The following AVEN variants were observed in gnomAD, a reference collection of about 807,000 sequenced individuals.
AVEN encodes the protein cell death regulator Aven.
A neutral mutation model predicts 38.1 loss-of-function variants in AVEN; 41 were observed. The ratio of observed to expected loss-of-function variants is 1.08; its 90% CI spans 0.84 to 1.40. The LOEUF is 1.40. Ranked by LOEUF, AVEN falls within the 40% of genes most tolerant of loss-of-function variation. AVEN has a pLI of 0.00. For synonymous variants in AVEN, 206 were observed against 171.8 expected (o/e 1.20, Z -1.56); for missense variants, 605 against 438.8 (o/e 1.38, Z -3.38).
chr15:34,012,363 G>C (rs1288998340), intron 1 of AVEN, among the ~76,000 whole-genome samples: 2 of 152,170 alleles, frequency 1.3e-5, no homozygotes, highest in Non-Finnish European at 2.9e-5. Context: ...AAGGTCATCT[G>C]TATAAAAAAT....
chr15:33,857,663 C>A, downstream of AVEN: 1 of 1,304,060 alleles, frequency 7.7e-7, no homozygotes, highest in Non-Finnish European at 1.1e-6. Context: ...ACCCCTTCCC[C>A]ATTTCCTCTC....
At chr15:34,035,743 T>C (rs977833074) in intron 1 of AVEN, among the ~76,000 whole-genome samples, 2 of 152,174 alleles carry the variant, frequency 1.3e-5, no homozygotes, top group African/African-American at 4.8e-5. Flanking sequence ...AGATAAATAC[T>C]AAACAATCCT....
intron 1 of AVEN, among the ~76,000 whole-genome samples, chr15:34,009,697 T>C (rs1897553910): frequency 1.3e-5 from 2 of 152,152 alleles, no homozygotes; most frequent in South Asian, 4.2e-4. Flanking sequence ...CAAAAAGATA[T>C]AACAATAGGG....
Position 33,967,081 on chromosome 15 carries a change from A to G in AVEN, c.445+35951T>C, listed in dbSNP as rs1014463871. On this transcript the variant is annotated intron_variant, in intron 2 of 5. Transcript: ENST00000306730. ...CCAATCATTACCATATGAAATTACA[A>G]TCCTTTTCAGTATCATGCAATGTTA... 5.3e-5 allele frequency among the ~76,000 whole-genome samples: 8 copies of G among 152,252 alleles called. No homozygotes were observed. The Middle Eastern group carries it at 0.01, about 194-fold the overall frequency.
At chr15:33,854,993 G>A, downstream of AVEN, 1 of 1,329,772 alleles carries the variant, frequency 7.5e-7, no homozygotes, top group Non-Finnish European at 1.0e-6. Context: ...TACAGTATAT[G>A]ACAGGAAGGA....
intron 2 of AVEN, among the ~76,000 whole-genome samples, chr15:33,998,997 C>A (rs965230925): frequency 2.0e-5 from 3 of 152,216 alleles, no homozygotes; most frequent in African/African-American, 4.8e-5. Context: ...CTCTATCCAG[C>A]AGCCTGCTCC....
chr15:34,063,489 C>T lies in AVEN; in HGVS notation n.1127-57G>A, dbSNP rs1190681112. On this transcript the variant is annotated intron_variant and non_coding_transcript_variant, in intron 4 of 11. Coordinates refer to the AVEN transcript ENST00000675287. The surrounding 1 kb of genome is among the most constrained non-coding windows in gnomAD (Gnocchi z 4.1). ...GTTCAGATCCTGCTTGCGCTGTCCT[C>T]GACCCACCCTGGCCCAGCGGGAAAG... 2 of 1,613,838 alleles carry T rather than the reference C, an allele frequency of 1.2e-6. No homozygotes were observed. Among genetic ancestry groups the T allele is most frequent in the Non-Finnish European group, 8.5e-7 (1 of 1,180,044 alleles).
intron 5 of AVEN, chr15:34,046,848 C>T (rs539010882): frequency 6.6e-6 from 1 of 152,380 alleles, no homozygotes; most frequent in East Asian, 1.9e-4. Flanking sequence ...CCAAAGGAAC[C>T]CCCACCTCCA....
intron 5 of AVEN, among the ~76,000 whole-genome samples, chr15:34,057,782 C>A (rs565623126): frequency 6.6e-6 from 1 of 152,254 alleles, no homozygotes; most frequent in African/African-American, 2.4e-5. Flanking sequence ...AGTGATAGAG[C>A]AAGACCTTGT....
At chr15:33,907,128 GACC>G (rs1170796765) in intron 2 of AVEN, among the ~76,000 whole-genome samples, 5 of 152,018 alleles carry the variant, frequency 3.3e-5, no homozygotes, top group Admixed American at 1.3e-4. Context: ...CTAGCATCTG[GACC>G]ACATCTTGTC....
At chr15:33,943,857 C>T (rs909758951) in intron 2 of AVEN, among the ~76,000 whole-genome samples, 2 of 148,470 alleles carry the variant, frequency 1.3e-5, no homozygotes, top group Non-Finnish European at 3.0e-5. Flanking sequence ...AAAGTTGTTA[C>T]CATGGTAAAT....
chr15:33,894,592 C>T (rs1305714548), intron 2 of AVEN, among the ~76,000 whole-genome samples: 1 of 145,530 alleles, frequency 6.9e-6, no homozygotes, highest in Non-Finnish European at 1.5e-5. Flanking sequence ...GGGGGACTGC[C>T]TGAGCTCAGG....
In AVEN at chr15:33,939,325, A is replaced by C. The variant is rs180813994; in HGVS notation, c.446-63330T>G. On this transcript the variant is annotated intron_variant, in intron 2 of 5. Coordinates refer to ENST00000306730, the MANE Select transcript of AVEN (RefSeq NM_020371.3). ...TTAATTACAATTCATAAACTGCCAG[A>C]GTATCAAATGGAACCATTTTAGGAG... 1.4e-4 allele frequency among the ~76,000 whole-genome samples: 22 copies of C among 152,356 alleles called. No homozygotes were observed. The East Asian group carries it at 2.9e-3, about 20-fold the overall frequency.
chr15:34,002,409 T>C (rs940013641), intron 2 of AVEN, among the ~76,000 whole-genome samples: 5 of 148,362 alleles, frequency 3.4e-5, no homozygotes, highest in Non-Finnish European at 6.0e-5. Context: ...GTAGGGACCC[T>C]GCAGCCATCT....
At chr15:33,855,332 T>C (rs904149222), downstream of AVEN, among the ~76,000 whole-genome samples, 1 of 152,052 alleles carries the variant, frequency 6.6e-6, no homozygotes. Flanking sequence ...GCCTCCAGAG[T>C]AGCTGGGATT....
Position 33,874,111 on chromosome 15 carries a change from G to A in AVEN, c.516+1814C>T, listed in dbSNP as rs116149588. 4.3e-3 allele frequency among the ~76,000 whole-genome samples: 650 copies of A among 152,114 alleles called. 8 individuals carry two copies. The highest frequency in any genetic ancestry group is 0.015 in the African/African-American group (613 of 41,496). Reference sequence around the variant, plus strand: ...CCATGTTCTTGCTAAACAAAACTTTGTTAACAGATAATATTAGTAATAAAA... The same window carrying A: ...CCATGTTCTTGCTAAACAAAACTTTATTAACAGATAATATTAGTAATAAAA... On this transcript the variant is annotated intron_variant, in intron 3 of 5. Coordinates refer to ENST00000306730, the MANE Select transcript of AVEN (RefSeq NM_020371.3).
chr15:34,045,495 C>A (rs1006588648), intron 5 of AVEN, among the ~76,000 whole-genome samples: 4 of 152,150 alleles, frequency 2.6e-5, no homozygotes, highest in African/African-American at 7.2e-5. Flanking sequence ...CACAGTGGTA[C>A]CCCATGTGCT....
At chr15:33,997,662 A>T (rs1896992179) in intron 2 of AVEN, among the ~76,000 whole-genome samples, 1 of 152,056 alleles carries the variant, frequency 6.6e-6, no homozygotes, top group Non-Finnish European at 1.5e-5. Flanking sequence ...CTGTGATCCC[A>T]ATATCTTTTT....
downstream of AVEN, chr15:33,854,701 AAT>A: frequency 6.5e-7 from 1 of 1,534,460 alleles, no homozygotes; most frequent in Non-Finnish European, 8.7e-7. Context: ...AATAAGAAAA[AAT>A]GTTTTATAAT....
Sources: allele counts gnomAD v4.1 joint callset (sites outside exome capture counted in the v4.1 genomes callset), GRCh38; gene constraint gnomAD v4.1.1; non-coding constraint Gnocchi (gnomAD v3.1); transcripts MANE v1.5; gene names NCBI Gene and HGNC (gene_info 2026-07-23, HGNC 2026-07-21).